GRHL2: variants seen among roughly 807,000 people sequenced by gnomAD.
The protein encoded by GRHL2 is grainyhead-like protein 2 homolog.
GRHL2 carries 21 observed loss-of-function variants against 83.8 expected under a neutral mutation model. The ratio of observed to expected loss-of-function variants is 0.25; its 90% CI spans 0.18 to 0.36. The LOEUF (loss-of-function observed/expected upper bound fraction) is 0.36, where lower values mean the gene tolerates loss of function less well. Among genes scored for constraint, GRHL2 ranks in the 10% least tolerant of loss-of-function variants. GRHL2 has a pLI of 1.00. For synonymous variants in GRHL2, 280 were observed against 278.9 expected, an observed-to-expected ratio of 1.00 and a Z score of -0.04; for missense variants, 623 against 781.8, an observed-to-expected ratio of 0.80 and a Z score of 2.42.
chr8:101,609,952 C>T (rs967374814), intron 8 of GRHL2, among the ~76,000 whole-genome samples: 4 of 150,818 alleles, frequency 2.7e-5, no homozygotes, highest in African/African-American at 7.4e-5. Context: ...TAACAAATGC[C>T]GAAAAAGTCG....
intron 14 of GRHL2, among the ~76,000 whole-genome samples, chr8:101,656,838 CTGTG>C (rs771809902): frequency 2.3e-4 from 33 of 145,356 alleles, no homozygotes; most frequent in Admixed American, 1.2e-3. Flanking sequence ...ATGTGTCTGT[CTGTG>C]TGTCTGTTAG....
intron 1 of GRHL2, among the ~76,000 whole-genome samples, chr8:101,505,906 A>G (rs1004118120): frequency 2.0e-5 from 3 of 152,194 alleles, no homozygotes; most frequent in African/African-American, 7.2e-5. Context: ...ATCCCAGGAC[A>G]CGTTGAATTA....
In GRHL2 at chr8:101,503,122, G is replaced by A. The variant is rs991022887; in HGVS notation, c.20+10333G>A. On this transcript the variant is annotated intron_variant, in intron 1 of 15. Transcript: ENST00000646743. ...ATAGAATTTAAAAGTCTCTGAAGTC[G>A]ACTTTTTCTGAAGTCAATTGCCCCT... 3.3e-5 allele frequency among the ~76,000 whole-genome samples: 5 copies of A among 152,140 alleles called. No individual in the cohort carries two copies. In the East Asian group the frequency reaches 7.7e-4, roughly 23 times the overall value.
At chr8:101,561,734 A>G (rs1301175159) in intron 4 of GRHL2, among the ~76,000 whole-genome samples, 2 of 152,240 alleles carry the variant, frequency 1.3e-5, no homozygotes, top group Non-Finnish European at 2.9e-5. Flanking sequence ...TCCAAATGGC[A>G]TAACCATTTT....
intron 1 of GRHL2, among the ~76,000 whole-genome samples, chr8:101,502,726 A>ACCT (rs539176678): frequency 0.021 from 3,187 of 149,588 alleles, 109 homozygotes; most frequent in African/African-American, 0.07. Context: ...GAAAGGGATG[A>ACCT]CCTCCTCCTC....
At chr8:101,673,305 C>T (rs1366745794), downstream of GRHL2, among the ~76,000 whole-genome samples, 3 of 151,940 alleles carry the variant, frequency 2.0e-5, no homozygotes, top group East Asian at 3.8e-4. Flanking sequence ...TTCAGGAAAC[C>T]CATCTCACGT....
intron 11 of GRHL2, chr8:101,636,694 A>G (rs1164046097): frequency 1.7e-6 from 1 of 585,792 alleles, no homozygotes; most frequent in Non-Finnish European, 3.1e-6. Flanking sequence ...TGGAGATTAT[A>G]AGGAACTTAA....
intron 7 of GRHL2, among the ~76,000 whole-genome samples, chr8:101,598,763 A>G (rs1812451024): frequency 6.6e-6 from 1 of 152,122 alleles, no homozygotes; most frequent in South Asian, 2.1e-4. Context: ...CTTGGGAGAA[A>G]AAAGAAAACC....
At chr8:101,605,638 T>A (rs1812618052) in intron 8 of GRHL2, among the ~76,000 whole-genome samples, 1 of 152,186 alleles carries the variant, frequency 6.6e-6, no homozygotes, top group Non-Finnish European at 1.5e-5. Flanking sequence ...CACATAGGGC[T>A]CTCTCTATCC....
At chr8:101,621,912 T>C (rs964194103) in intron 9 of GRHL2, among the ~76,000 whole-genome samples, 1 of 151,830 alleles carries the variant, frequency 6.6e-6, no homozygotes, top group Non-Finnish European at 1.5e-5. Context: ...ATACATATAA[T>C]AGGAATCTTT....
chr8:101,659,801 T>G (rs1048097661), intron 14 of GRHL2, among the ~76,000 whole-genome samples: 1 of 152,202 alleles, frequency 6.6e-6, no homozygotes, highest in Non-Finnish European at 1.5e-5. Context: ...TGTACATTAT[T>G]GAGTGTCTCG....
chr8:101,572,802 A>T (rs1811853387), intron 5 of GRHL2, among the ~76,000 whole-genome samples: 1 of 152,224 alleles, frequency 6.6e-6, no homozygotes, highest in Non-Finnish European at 1.5e-5. Flanking sequence ...TTTGTAAATT[A>T]TATCATGTTT....
At chr8:101,506,367 T>C (rs1234665859) in intron 1 of GRHL2, among the ~76,000 whole-genome samples, 2 of 152,238 alleles carry the variant, frequency 1.3e-5, no homozygotes, top group African/African-American at 4.8e-5. Context: ...ACCCTGTTAA[T>C]ACTTTGTCTT....
chr8:101,608,231 T>C (rs1812668808), intron 8 of GRHL2, among the ~76,000 whole-genome samples: 1 of 152,246 alleles, frequency 6.6e-6, no homozygotes, highest in South Asian at 2.1e-4. Context: ...TTACCTGAGG[T>C]TGCACAGCTG....
rs191241028 is a variant in GRHL2 at position 101,550,035 on chromosome 8, T to C, written c.217-2680T>C. Among the ~76,000 whole-genome samples the C allele has an allele frequency of 1.3e-4, 20 of 152,088 alleles. 1 individual carries two copies. The highest frequency in any genetic ancestry group is 1.0e-3 in the Admixed American group (16 of 15,286). On this transcript the variant is annotated intron_variant, in intron 2 of 15. Transcript: ENST00000646743. ...GAGCTGGGGAGGCAGGTCTCCTTTT[T>C]TCTATATATGTATAGTTTTCCAGTT...
chr8:101,558,786 G>A lies in GRHL2; in HGVS notation c.652G>A (p.Glu218Lys). The A allele has an allele frequency of 6.2e-7, 1 of 1,614,050 alleles. No homozygotes were observed. The highest frequency in any genetic ancestry group is 8.5e-7 in the Non-Finnish European group (1 of 1,180,004). ...QRSTPDSTYSESFKDAATEKF... is the reference protein window; with the variant it reads ...QRSTPDSTYSKSFKDAATEKF... ...CAGCACTCCGGACAGCACATACAGC[G>A]AGAGCTTCAAGGACGCAGCCACAGA... The change falls in exon 4 of 16, where the codon GAG becomes AAG. Residue 218 changes from glutamate to lysine, a missense_variant. Transcript: ENST00000646743.
intron 9 of GRHL2, among the ~76,000 whole-genome samples, chr8:101,621,040 G>T (rs1367783758): frequency 6.6e-6 from 1 of 152,118 alleles, no homozygotes; most frequent in Non-Finnish European, 1.5e-5. Flanking sequence ...TACAGAGTAG[G>T]CAGATCTCAG....
intron 1 of GRHL2, among the ~76,000 whole-genome samples, chr8:101,532,480 G>A (rs926750370): frequency 6.6e-6 from 1 of 152,060 alleles, no homozygotes; most frequent in African/African-American, 2.4e-5. Flanking sequence ...AGCTGGCCGC[G>A]GTGGCTCATG....
At chr8:101,493,771 C>T (rs1180234621) in intron 1 of GRHL2, among the ~76,000 whole-genome samples, 3 of 152,022 alleles carry the variant, frequency 2.0e-5, no homozygotes, top group African/African-American at 7.2e-5. Context: ...CCTTCCCGTC[C>T]CGGACAGGCA....
Sources: allele counts gnomAD v4.1 joint callset (sites outside exome capture counted in the v4.1 genomes callset), GRCh38; gene constraint gnomAD v4.1.1; transcripts MANE v1.5; gene names NCBI Gene and HGNC (gene_info 2026-07-23, HGNC 2026-07-21).